Variants in IL1RAPL1 observed in about 807,000 individuals in gnomAD.
IL1RAPL1 encodes interleukin-1 receptor accessory protein-like 1.
A neutral mutation model predicts 48.4 loss-of-function variants in IL1RAPL1; 3 were observed. That is an observed-to-expected ratio of 0.06 (90% CI 0.03 to 0.16). IL1RAPL1 has a LOEUF of 0.16. Among genes scored for constraint, IL1RAPL1 ranks in the 10% least tolerant of loss-of-function variants. IL1RAPL1 has a pLI of 1.00. For synonymous variants in IL1RAPL1, 185 were observed against 187.7 expected (o/e 0.99, Z 0.12); for missense variants, 349 against 530.6 (o/e 0.66, Z 3.36).
At chrX:29,261,009 TAATA>T (rs1028149888) in intron 2 of IL1RAPL1, among the ~76,000 whole-genome samples, 25 of 108,121 alleles carry the variant, frequency 2.3e-4, no homozygotes, top group Admixed American at 1.6e-3. Flanking sequence ...ATATTATATA[TAATA>T]AATATAGTAT....
intron 2 of IL1RAPL1, among the ~76,000 whole-genome samples, chrX:29,136,642 G>A (rs1473992000): frequency 9.0e-6 from 1 of 111,435 alleles, no homozygotes; most frequent in Non-Finnish European, 1.9e-5. Context: ...GATAACAGGT[G>A]TGACGCACTG....
At chrX:29,379,795 T>A (rs1228589312) in intron 3 of IL1RAPL1, among the ~76,000 whole-genome samples, 2 of 112,011 alleles carry the variant, frequency 1.8e-5, no homozygotes, top group Non-Finnish European at 3.8e-5. Flanking sequence ...GTTGCTTTAC[T>A]TAACATTTTG....
Position 28,857,675 on chromosome X carries a change from G to GA in IL1RAPL1, c.82+68255dup, listed in dbSNP as rs762013482. Among the ~76,000 whole-genome samples, 28 of 111,315 alleles carry GA rather than the reference G, an allele frequency of 2.5e-4. 1 individual carries two copies. The East Asian group carries it at 6.8e-3, about 27-fold the overall frequency. On this transcript the variant is annotated intron_variant, in intron 2 of 10. Coordinates refer to ENST00000378993, the MANE Select transcript of IL1RAPL1 (RefSeq NM_014271.4). ...ATCCATTGTTGAGACCTATTGCTCA[G>GA]AAAAATATATTTCTTTCAAAATATT...
At chrX:29,068,666 C>A (rs893974788) in intron 2 of IL1RAPL1, among the ~76,000 whole-genome samples, 2 of 112,251 alleles carry the variant, frequency 1.8e-5, no homozygotes, top group African/African-American at 6.5e-5. Flanking sequence ...TCAAGAGATG[C>A]TGAAAAGTTC....
intron 9 of IL1RAPL1, among the ~76,000 whole-genome samples, chrX:29,945,090 C>T (rs897710301): frequency 8.9e-6 from 1 of 112,006 alleles, no homozygotes; most frequent in Admixed American, 9.5e-5. Context: ...CCTCGCCCTT[C>T]TCAGATTCTG....
At chrX:28,992,084 C>T (rs1925617161) in intron 2 of IL1RAPL1, among the ~76,000 whole-genome samples, 1 of 112,067 alleles carries the variant, frequency 8.9e-6, no homozygotes, top group Non-Finnish European at 1.9e-5. Context: ...GAATATAAAA[C>T]TTGGTAGTCA....
intron 2 of IL1RAPL1, among the ~76,000 whole-genome samples, chrX:28,803,382 A>T (rs896813381): frequency 1.8e-5 from 2 of 111,362 alleles, no homozygotes; most frequent in African/African-American, 6.5e-5. Flanking sequence ...GGAATAGGAG[A>T]TGGGAGGGCC....
At chrX:29,941,222 T>G (rs1352912941) in intron 8 of IL1RAPL1, among the ~76,000 whole-genome samples, 3 of 112,294 alleles carry the variant, frequency 2.7e-5, no homozygotes, top group East Asian at 5.6e-4. Context: ...CATCCTGGCT[T>G]AAAAGCTTCA....
chrX:28,637,940 T>A (rs1601842588), intron 1 of IL1RAPL1, among the ~76,000 whole-genome samples: 1 of 112,251 alleles, frequency 8.9e-6, no homozygotes, highest in East Asian at 2.8e-4. Context: ...CCATACTTTT[T>A]AAAAACTGGA....
chrX:28,780,599 T>A (rs1230599461), intron 1 of IL1RAPL1, among the ~76,000 whole-genome samples: 1 of 110,681 alleles, frequency 9.0e-6, no homozygotes, highest in East Asian at 2.8e-4. Context: ...AAAAAAGTAA[T>A]ATAATTTGAT....
intron 6 of IL1RAPL1, among the ~76,000 whole-genome samples, chrX:29,674,618 T>C (rs915874670): frequency 8.0e-5 from 9 of 111,818 alleles, no homozygotes; most frequent in Non-Finnish European, 5.6e-5. Flanking sequence ...AGGTTTGTTA[T>C]ATAAGTAAAC....
intron 2 of IL1RAPL1, among the ~76,000 whole-genome samples, chrX:29,157,836 A>T (rs1929598483): frequency 8.9e-6 from 1 of 112,004 alleles, no homozygotes; most frequent in African/African-American, 3.2e-5. Context: ...TAAATGCTTA[A>T]TAAAGCTATT....
At chrX:29,458,539 T>C (rs891520921) in intron 5 of IL1RAPL1, among the ~76,000 whole-genome samples, 2 of 111,843 alleles carry the variant, frequency 1.8e-5, no homozygotes, top group Admixed American at 9.5e-5. Flanking sequence ...TAAACAGTAG[T>C]TGGTGATTAG....
At chrX:29,463,194 C>CAA (rs66924300) in intron 5 of IL1RAPL1, among the ~76,000 whole-genome samples, 2 of 99,227 alleles carry the variant, frequency 2.0e-5, no homozygotes, top group African/African-American at 7.2e-5. Flanking sequence ...GATGCTTTAT[C>CAA]AAAAAAAAAA....
chrX:29,378,316 T>C (rs1346487817), intron 3 of IL1RAPL1, among the ~76,000 whole-genome samples: 1 of 112,157 alleles, frequency 8.9e-6, no homozygotes, highest in Non-Finnish European at 1.9e-5. Flanking sequence ...TTCAACTGTC[T>C]CCTGAATCTC....
In IL1RAPL1 at chrX:29,031,665, G is replaced by A. The variant is rs1021317426; in HGVS notation, c.82+242240G>A. Among the ~76,000 whole-genome samples, 6 of 111,584 alleles carry A rather than the reference G, an allele frequency of 5.4e-5. No homozygotes were observed. The Admixed American group carries it at 5.7e-4, about 11-fold the overall frequency. ...GCATTTCCTCATGGATAATTTGTGG[G>A]TTTAAAAAATTGAAATGCTATTATT... On this transcript the variant is annotated intron_variant, in intron 2 of 10. Coordinates refer to ENST00000378993, the MANE Select transcript of IL1RAPL1 (RefSeq NM_014271.4).
intron 2 of IL1RAPL1, among the ~76,000 whole-genome samples, chrX:28,845,612 T>A (rs1262021869): frequency 1.8e-5 from 2 of 111,505 alleles, no homozygotes; most frequent in Non-Finnish European, 3.8e-5. Flanking sequence ...GTGCTTGACT[T>A]TCACAGACAA....
chrX:29,068,081 T>C (rs1365322139), intron 2 of IL1RAPL1, among the ~76,000 whole-genome samples: 1 of 111,997 alleles, frequency 8.9e-6, no homozygotes, highest in Non-Finnish European at 1.9e-5. Context: ...TAATACTTTT[T>C]ATTAAATGCT....
chrX:28,602,047 G>A (rs1305045016), intron 1 of IL1RAPL1, among the ~76,000 whole-genome samples: 1 of 106,027 alleles, frequency 9.4e-6, no homozygotes, highest in African/African-American at 3.5e-5. Context: ...GGAGGTTACA[G>A]TGAGCCGAAA....
Sources: allele counts gnomAD v4.1 joint callset (sites outside exome capture counted in the v4.1 genomes callset), GRCh38; gene constraint gnomAD v4.1.1; transcripts MANE v1.5; gene names NCBI Gene and HGNC (gene_info 2026-07-23, HGNC 2026-07-21).